Variants in ASRGL1 observed in about 807,000 individuals in gnomAD.
ASRGL1 encodes the protein isoaspartyl peptidase/L-asparaginase.
A neutral mutation model predicts 22.4 loss-of-function variants in ASRGL1; 16 were observed. The observed-to-expected ratio is 0.71, with a 90% CI of 0.48 to 1.08. ASRGL1 has a LOEUF of 1.08. Ranked by LOEUF, ASRGL1 falls within the 50% of genes least tolerant of loss-of-function variation. The pLI is 0.00. For synonymous variants in ASRGL1, 165 were observed against 159.3 expected (o/e 1.04, Z -0.27); for missense variants, 412 against 410.1 (o/e 1.00, Z -0.04).
At chr11:62,353,679 C>T (rs970827176) in intron 2 of ASRGL1, among the ~76,000 whole-genome samples, 2 of 152,178 alleles carry the variant, frequency 1.3e-5, no homozygotes, top group Non-Finnish European at 2.9e-5. Flanking sequence ...GTAATTCCAA[C>T]ATCTGTGTCA....
At chr11:62,340,440 C>T (rs1945835672) in intron 2 of ASRGL1, among the ~76,000 whole-genome samples, 1 of 152,202 alleles carries the variant, frequency 6.6e-6, no homozygotes, top group South Asian at 2.1e-4. Flanking sequence ...TAGCACTCAG[C>T]ACCCCCTGGG....
At chr11:62,397,167 C>A (rs952772911), downstream of ASRGL1, among the ~76,000 whole-genome samples, 2 of 152,108 alleles carry the variant, frequency 1.3e-5, no homozygotes. Context: ...GTGGCTGGGA[C>A]CACAGGCACA....
chr11:62,400,274 T>C, the ASRGL1 span, among the ~76,000 whole-genome samples: 1 of 152,228 alleles, frequency 6.6e-6, no homozygotes, highest in Non-Finnish European at 1.5e-5. Flanking sequence ...GTAACCTCTC[T>C]GAGAGGGTTG....
At chr11:62,379,703 C>T (rs1947016604) in intron 4 of ASRGL1, among the ~76,000 whole-genome samples, 1 of 152,176 alleles carries the variant, frequency 6.6e-6, no homozygotes, top group Non-Finnish European at 1.5e-5. Context: ...CATAAATCTA[C>T]TGCTACACTG....
rs1435441300 is a variant in ASRGL1 at position 62,374,923 on chromosome 11, C to T, written c.492-14210C>T. 3.9e-5 allele frequency among the ~76,000 whole-genome samples: 6 copies of T among 152,288 alleles called. No individual in the cohort carries two copies. In the East Asian group the frequency reaches 5.8e-4, roughly 15 times the overall value. ...TTCCCTGGACAGGTCTCTCCTGGAACGCAGCCCAGGCACCTGTGCTCCTGG... is the reference window on the plus strand; with the variant it reads ...TTCCCTGGACAGGTCTCTCCTGGAATGCAGCCCAGGCACCTGTGCTCCTGG... On this transcript the variant is annotated intron_variant, in intron 4 of 6. Coordinates refer to ENST00000415229, the MANE Select transcript of ASRGL1 (RefSeq NM_001083926.2).
rs954676253 is a variant in ASRGL1 at position 62,373,086 on chromosome 11, T to A, written c.491+15942T>A. On this transcript the variant is annotated intron_variant, in intron 4 of 6. Transcript: ENST00000415229. Reference sequence around the variant, plus strand: ...CTCAGAGCCGGTCGCCATGGGCTACTCACACTCCTTGGTGATAGCAAGAGA... The same window carrying A: ...CTCAGAGCCGGTCGCCATGGGCTACACACACTCCTTGGTGATAGCAAGAGA... The A allele has an allele frequency of 8.2e-6, 12 of 1,465,524 alleles. No individual in the cohort carries two copies. The African/African-American group carries it at 1.7e-4, about 20-fold the overall frequency. 90.8% of individuals were successfully genotyped at this position (1,465,524 alleles called of 1,614,324 possible).
intron 2 of ASRGL1, among the ~76,000 whole-genome samples, chr11:62,348,425 C>T (rs1352594768): frequency 1.3e-5 from 2 of 151,964 alleles, no homozygotes; most frequent in South Asian, 2.1e-4. Context: ...GGGTCATGGC[C>T]GGGCGTGGTG....
intron 5 of ASRGL1, chr11:62,389,471 C>T (rs1947290888): frequency 3.3e-6 from 2 of 614,068 alleles, no homozygotes; most frequent in Non-Finnish European, 6.0e-6. Flanking sequence ...TACTAGATTG[C>T]ATGCCTTTTT....
In ASRGL1 at chr11:62,385,603, G is replaced by T. The variant is rs11820997; in HGVS notation, c.492-3530G>T. ...TTTAGGGCCAGGCGTGGTGCCTCAC[G>T]CCTGTAATCCCAGCAGCTTGGGTGG... On this transcript the variant is annotated intron_variant, in intron 4 of 6. Transcript: ENST00000415229. Among the ~76,000 whole-genome samples the T allele has an allele frequency of 5.1e-3, 780 of 152,308 alleles. 2 individuals are homozygous for T. Among genetic ancestry groups the T allele is most frequent in the African/African-American group, 0.015 (618 of 41,566 alleles).
chr11:62,361,455 C>T (rs1435779668), intron 4 of ASRGL1, among the ~76,000 whole-genome samples: 1 of 144,446 alleles, frequency 6.9e-6, no homozygotes, highest in African/African-American at 2.6e-5. Context: ...TTCCAAAGTG[C>T]TTTGGTGAGC....
chr11:62,343,624 A>G (rs1033809838), intron 2 of ASRGL1, among the ~76,000 whole-genome samples: 1 of 147,852 alleles, frequency 6.8e-6, no homozygotes, highest in African/African-American at 2.5e-5. Flanking sequence ...GCCACTCGGG[A>G]TGCTGAGGCA....
intron 4 of ASRGL1, chr11:62,372,611 G>A: frequency 2.3e-6 from 2 of 875,982 alleles, no homozygotes; most frequent in Admixed American, 1.7e-5. Flanking sequence ...TGCGAGACGT[G>A]GCCTGTGGCG....
chr11:62,340,373 C>T (rs1279374646), intron 2 of ASRGL1, among the ~76,000 whole-genome samples: 1 of 152,218 alleles, frequency 6.6e-6, no homozygotes, highest in Non-Finnish European at 1.5e-5. Flanking sequence ...ACTGACTTTG[C>T]CAGCAGAGGG....
At chr11:62,375,031 C>T (rs928747333) in intron 4 of ASRGL1, among the ~76,000 whole-genome samples, 4 of 151,750 alleles carry the variant, frequency 2.6e-5, no homozygotes, top group African/African-American at 7.3e-5. Flanking sequence ...TTGCAGGAGC[C>T]GCCCTGGGCA....
At chr11:62,360,024 T>C (rs1204176814) in intron 4 of ASRGL1, among the ~76,000 whole-genome samples, 3 of 151,470 alleles carry the variant, frequency 2.0e-5, no homozygotes, top group Admixed American at 1.3e-4. Flanking sequence ...CTTTTCTTTT[T>C]TTTTTTTTTG....
At chr11:62,352,048 A>G (rs1053047450) in intron 2 of ASRGL1, among the ~76,000 whole-genome samples, 2 of 152,194 alleles carry the variant, frequency 1.3e-5, no homozygotes, top group African/African-American at 4.8e-5. Flanking sequence ...TATCTGTGTT[A>G]TGGACTGAAT....
At chr11:62,350,914 C>T (rs1217622503) in intron 2 of ASRGL1, among the ~76,000 whole-genome samples, 1 of 152,114 alleles carries the variant, frequency 6.6e-6, no homozygotes, top group Non-Finnish European at 1.5e-5. Context: ...TATTGTATGT[C>T]TAGTGTTCTG....
intron 4 of ASRGL1, among the ~76,000 whole-genome samples, chr11:62,386,845 T>G (rs1947223466): frequency 6.6e-6 from 1 of 152,056 alleles, no homozygotes; most frequent in African/African-American, 2.4e-5. Context: ...TTGATGTGCC[T>G]CTTCATTTTA....
At chr11:62,360,655 A>G (rs1311837819) in intron 4 of ASRGL1, among the ~76,000 whole-genome samples, 1 of 152,206 alleles carries the variant, frequency 6.6e-6, no homozygotes, top group East Asian at 1.9e-4. Context: ...TTCAATTAAG[A>G]TCTACTTATT....
Sources: allele counts gnomAD v4.1 joint callset (sites outside exome capture counted in the v4.1 genomes callset), GRCh38; gene constraint gnomAD v4.1.1; transcripts MANE v1.5; gene names NCBI Gene and HGNC (gene_info 2026-07-23, HGNC 2026-07-21).